EGFLAM: variants seen among roughly 807,000 people sequenced by gnomAD.
The protein encoded by EGFLAM is pikachurin.
A neutral mutation model predicts 113.1 loss-of-function variants in EGFLAM; 79 were observed. The ratio of observed to expected loss-of-function variants is 0.70; its 90% CI spans 0.58 to 0.84. The LOEUF is 0.84. Ranked by LOEUF, EGFLAM falls within the 40% of genes least tolerant of loss-of-function variation. The pLI is 0.00. For synonymous variants in EGFLAM, 504 were observed against 487.6 expected, an observed-to-expected ratio of 1.03 and a Z score of -0.44; for missense variants, 1,265 against 1,291.6, an observed-to-expected ratio of 0.98 and a Z score of 0.32.
intron 6 of EGFLAM, among the ~76,000 whole-genome samples, chr5:38,395,787 T>G (rs1740943877): frequency 6.6e-6 from 1 of 152,126 alleles, no homozygotes; most frequent in African/African-American, 2.4e-5. Context: ...AGCTCCTGAT[T>G]TCTCAGTGCA....
At chr5:38,281,476 T>G (rs1358461681) in intron 1 of EGFLAM, among the ~76,000 whole-genome samples, 1 of 152,228 alleles carries the variant, frequency 6.6e-6, no homozygotes. Context: ...TTATCTGAAG[T>G]TCAAATTTAA....
At chr5:38,302,709 C>CAAAAA (rs56012054) in intron 1 of EGFLAM, among the ~76,000 whole-genome samples, 1 of 115,452 alleles carries the variant, frequency 8.7e-6, no homozygotes, top group Non-Finnish European at 1.9e-5. Context: ...GTCTGAGAAT[C>CAAAAA]AAAAAAAAAA....
chr5:38,328,493 T>C (rs1738946801), intron 1 of EGFLAM, among the ~76,000 whole-genome samples: 1 of 152,164 alleles, frequency 6.6e-6, no homozygotes, highest in South Asian at 2.1e-4. Context: ...TGGCCCTGGA[T>C]ATCATTGCAT....
intron 15 of EGFLAM, among the ~76,000 whole-genome samples, chr5:38,433,816 G>C (rs1405304273): frequency 6.6e-6 from 1 of 152,192 alleles, no homozygotes; most frequent in Non-Finnish European, 1.5e-5. Context: ...ATTCCTGAAA[G>C]CCTTTATACT....
intron 1 of EGFLAM, among the ~76,000 whole-genome samples, chr5:38,323,990 T>A (rs1244630657): frequency 7.1e-6 from 1 of 140,904 alleles, no homozygotes; most frequent in Non-Finnish European, 1.5e-5. Context: ...TGCAGTGAAC[T>A]GAGATCGTGC....
At chr5:38,363,358 T>C (rs1739977538) in intron 5 of EGFLAM, among the ~76,000 whole-genome samples, 1 of 152,146 alleles carries the variant, frequency 6.6e-6, no homozygotes, top group Non-Finnish European at 1.5e-5. Context: ...CTGGATAGAA[T>C]TCAGGAAATA....
At chr5:38,293,440 A>G (rs1160099655) in intron 1 of EGFLAM, among the ~76,000 whole-genome samples, 2 of 152,234 alleles carry the variant, frequency 1.3e-5, no homozygotes, top group African/African-American at 4.8e-5. Flanking sequence ...ACAATGATCA[A>G]TGCTATTATT....
At chr5:38,427,490 T>C in intron 14 of EGFLAM, 1 of 552,046 alleles carries the variant, frequency 1.8e-6, no homozygotes, top group Non-Finnish European at 3.0e-6. Context: ...GTAGCAATTG[T>C]ATGCTTCAAA....
rs75631021 is a variant in EGFLAM at position 38,328,928 on chromosome 5, T to A, written c.98-8592T>A. ...ATGATGGAAGTTTTATGATGTAGAT[T>A]CCATTATTTTTTAAAAATTTATATA... is the stretch of plus-strand genomic sequence containing the variant. On this transcript the variant is annotated intron_variant, in intron 1 of 21. Coordinates refer to ENST00000322350, the MANE Select transcript of EGFLAM (RefSeq NM_152403.4). 5.3e-3 allele frequency among the ~76,000 whole-genome samples: 811 copies of A among 152,136 alleles called. 27 individuals carry two copies. In the East Asian group the frequency reaches 0.096, roughly 18 times the overall value.
intron 6 of EGFLAM, among the ~76,000 whole-genome samples, chr5:38,404,612 A>G (rs763712800): frequency 1.3e-5 from 2 of 152,194 alleles, no homozygotes; most frequent in Non-Finnish European, 2.9e-5. Flanking sequence ...CTTTAAGTTT[A>G]GTTTATGTTT....
At chr5:38,299,628 T>C (rs1399628918) in intron 1 of EGFLAM, among the ~76,000 whole-genome samples, 2 of 152,134 alleles carry the variant, frequency 1.3e-5, no homozygotes, top group East Asian at 3.9e-4. Context: ...AACTCCTGTG[T>C]TGGGGTTTTG....
chr5:38,435,057 C>T (rs764782433), intron 15 of EGFLAM, 80 bp from the exon 16 acceptor site: 3 of 1,208,630 alleles, frequency 2.5e-6, no homozygotes, highest in Non-Finnish European at 1.2e-6. Context: ...TGTTCCCCAA[C>T]AGGGAACTGA....
At chr5:38,341,213 T>C (rs548638858) in intron 3 of EGFLAM, among the ~76,000 whole-genome samples, 5 of 152,314 alleles carry the variant, frequency 3.3e-5, no homozygotes, top group African/African-American at 1.2e-4. Context: ...CTCACGCTGC[T>C]AATAAAGGCA....
At chr5:38,461,718 G>A (rs1347192913) in intron 20 of EGFLAM, among the ~76,000 whole-genome samples, 4 of 152,132 alleles carry the variant, frequency 2.6e-5, no homozygotes, top group Non-Finnish European at 4.4e-5. Flanking sequence ...ACCCCCTAGT[G>A]CTATAGAAGC....
chr5:38,283,324 G>C (rs58965017), intron 1 of EGFLAM, among the ~76,000 whole-genome samples: 1 of 152,032 alleles, frequency 6.6e-6, no homozygotes, highest in African/African-American at 2.4e-5. Flanking sequence ...GAAGAAGACC[G>C]GTAGGAATTA....
intron 6 of EGFLAM, among the ~76,000 whole-genome samples, chr5:38,386,230 G>A (rs977680712): frequency 6.6e-6 from 1 of 152,168 alleles, no homozygotes; most frequent in African/African-American, 2.4e-5. Context: ...TGTTGTTGTT[G>A]TTGTTGCCCA....
intron 1 of EGFLAM, among the ~76,000 whole-genome samples, chr5:38,322,589 T>C (rs757473750): frequency 6.6e-6 from 1 of 152,138 alleles, no homozygotes. Flanking sequence ...TAATTTATGA[T>C]CATCTAATCC....
chr5:38,259,970 G>T (rs1243687794), intron 1 of EGFLAM, among the ~76,000 whole-genome samples: 1 of 152,144 alleles, frequency 6.6e-6, no homozygotes, highest in African/African-American at 2.4e-5. Flanking sequence ...TTTCGGCTCT[G>T]GAAGCGTCCT....
At chr5:38,296,277 G>A (rs886754513) in intron 1 of EGFLAM, among the ~76,000 whole-genome samples, 2 of 152,166 alleles carry the variant, frequency 1.3e-5, no homozygotes, top group Non-Finnish European at 2.9e-5. Context: ...AAGCTAAAGA[G>A]TTGTTTTATA....
Sources: allele counts gnomAD v4.1 joint callset (sites outside exome capture counted in the v4.1 genomes callset), GRCh38; gene constraint gnomAD v4.1.1; transcripts MANE v1.5; gene names NCBI Gene and HGNC (gene_info 2026-07-23, HGNC 2026-07-21).